Variants in COL5A1 observed in about 807,000 individuals in gnomAD.
The protein encoded by COL5A1 is collagen alpha-1(V) chain.
Under a neutral mutation model 263.7 loss-of-function variants are expected in COL5A1, and 16 were observed. That is an observed-to-expected ratio of 0.06 (90% CI 0.04 to 0.09). The LOEUF is 0.09. COL5A1 is among the 10% of genes least tolerant of loss of function. The pLI, the probability that COL5A1 is intolerant of heterozygous loss-of-function variation, is 1.00. For synonymous variants in COL5A1, 1,012 were observed against 1,004.5 expected, an observed-to-expected ratio of 1.01 and a Z score of -0.14; for missense variants, 2,036 against 2,540.5, an observed-to-expected ratio of 0.80 and a Z score of 4.27.
intron 1 of COL5A1, among the ~76,000 whole-genome samples, chr9:134,645,142 G>A (rs552843458): frequency 6.6e-6 from 1 of 152,278 alleles, no homozygotes; most frequent in East Asian, 1.9e-4. Context: ...AGGCAGGGGC[G>A]TGCTCCCAGT....
At chr9:134,779,969 G>T (rs562206312) in intron 27 of COL5A1, 133 bp from the exon 28 acceptor site, 9 of 949,110 alleles carry the variant, frequency 9.5e-6, no homozygotes, top group Admixed American at 6.8e-5. Context: ...ATGGGAGGAA[G>T]TGTGTTGAGG....
chr9:134,811,576 C>A lies in COL5A1; in HGVS notation c.3667C>A (p.Pro1223Thr). The A allele has an allele frequency of 6.4e-7, 1 of 1,561,560 alleles. No homozygotes were observed. Among genetic ancestry groups the A allele is most frequent in the Non-Finnish European group, 8.7e-7 (1 of 1,152,408 alleles). Residue 1223 changes from proline (P) to threonine (T), a missense_variant, in exon 46 of 66, where the codon CCC becomes ACC. Physicochemically the swap from Pro to Thr is conservative, Grantham distance 38. Transcript: ENST00000371817. ...GDEGPRGFPGPPGPVGLQGLP... is the reference protein window; with the variant it reads ...GDEGPRGFPGTPGPVGLQGLP... The stretch of plus-strand genomic sequence containing the variant: ...TGAAGGTCCCAGAGGCTTTCCTGGA[C>A]CCCCTGGGCCAGTGGGGCTGCAGGT...
At chr9:134,721,782 T>C (rs1456516017) in intron 4 of COL5A1, among the ~76,000 whole-genome samples, 1 of 152,226 alleles carries the variant, frequency 6.6e-6, no homozygotes, top group Non-Finnish European at 1.5e-5. Flanking sequence ...GCATCCGCTC[T>C]GTCTTGGAGC....
chr9:134,820,328 C>T lies in COL5A1; in HGVS notation c.4554+105C>T, dbSNP rs533312238. ...GGCCCATCAGAGCCCGGAAGGACGT[C>T]CACACGTCGGTTGAGTCCGGTCATC... On this transcript the variant is annotated intron_variant, in intron 58 of 65. Transcript: ENST00000371817. The T allele has an allele frequency of 1.4e-3, 1,236 of 883,282 alleles. 7 individuals carry two copies. The highest frequency in any genetic ancestry group is 8.6e-4 in the Non-Finnish European group (471 of 545,322). 54.7% of individuals were successfully genotyped at this position (883,282 alleles called of 1,614,324 possible).
chr9:134,751,199 A>G (rs2132684176), intron 13 of COL5A1, among the ~76,000 whole-genome samples: 1 of 148,926 alleles, frequency 6.7e-6, no homozygotes, highest in East Asian at 2.0e-4. Flanking sequence ...AGAGCGTGTC[A>G]CTGTCCAGTA....
chr9:134,772,885 C>A, intron 26 of COL5A1, 51 bp downstream of exon 26: 1 of 1,576,834 alleles, frequency 6.3e-7, no homozygotes, highest in Non-Finnish European at 8.7e-7. Context: ...TGGGGCGGGT[C>A]CAGGTGCTCT....
rs775768634 is a variant in COL5A1 at position 134,758,207 on chromosome 9, G to C, written c.1882-36G>C. On this transcript the variant is annotated intron_variant, in intron 17 of 65. Transcript: ENST00000371817. The surrounding 1 kb of genome is among the most constrained non-coding windows in gnomAD (Gnocchi z 4.1). ...AAGGCGGGGTGTCCACGTGTGCAGGGTGGCGTCTGAGGCAGCCTTTCTGTC... is the reference window on the plus strand; with the variant it reads ...AAGGCGGGGTGTCCACGTGTGCAGGCTGGCGTCTGAGGCAGCCTTTCTGTC... 7.4e-6 allele frequency: 12 copies of C among 1,613,082 alleles called. No individual in the cohort carries two copies. The East Asian group carries it at 2.5e-4, about 33-fold the overall frequency.
intron 54 of COL5A1, 135 bp downstream of exon 54, chr9:134,817,966 T>C (rs1838828861): frequency 2.3e-6 from 2 of 887,512 alleles, no homozygotes; most frequent in Admixed American, 2.0e-5. Flanking sequence ...ACCTGGCTCA[T>C]GGCCTACCTG....
chr9:134,660,141 G>A (rs1028917740), intron 1 of COL5A1, among the ~76,000 whole-genome samples: 5 of 152,188 alleles, frequency 3.3e-5, no homozygotes, highest in African/African-American at 1.2e-4. Context: ...AAAGAAAAAT[G>A]CAAACTCTGA....
chr9:134,732,247 C>A, intron 9 of COL5A1, 120 bp downstream of exon 9: 1 of 991,818 alleles, frequency 1.0e-6, no homozygotes, highest in African/African-American at 1.6e-5. Flanking sequence ...TGGGTCACTT[C>A]GAGCAACCAC....
rs1830117945 is a variant in COL5A1 at position 134,842,024 on chromosome 9, C to A, written c.5371-133C>A. The A allele has an allele frequency of 4.0e-6, 4 of 987,848 alleles. No individual in the cohort carries two copies. Among genetic ancestry groups the A allele is most frequent in the Non-Finnish European group, 4.7e-6 (3 of 635,570 alleles). 61.2% of individuals were successfully genotyped at this position (987,848 alleles called of 1,614,324 possible). On this transcript the variant is annotated intron_variant, in intron 65 of 65. Coordinates refer to ENST00000371817, the MANE Select transcript of COL5A1 (RefSeq NM_000093.5). This position sits in a 1 kb window ranked among gnomAD's most constrained non-coding sequence, Gnocchi z 5.8. ...ATATTTCCTCCAACACTTGCCCGGG[C>A]AAGCGCAGCCCTGGGTAGGAGACAG...
intron 1 of COL5A1, among the ~76,000 whole-genome samples, chr9:134,654,471 T>C (rs1831845764): frequency 1.2e-5 from 1 of 86,270 alleles, no homozygotes; most frequent in African/African-American, 4.8e-5. Context: ...GGGCTGGAGG[T>C]GTGTAGGGCT....
rs544468896 is a variant in COL5A1, at chr9:134,690,763, G to A, written c.110-149G>A. The A allele has an allele frequency of 3.3e-4, 314 of 937,348 alleles. 2 individuals carry two copies. In the African/African-American group the frequency reaches 4.5e-3, roughly 13 times the overall value. The allele number at this position is 937,348 out of a possible 1,614,324, so 58.1% of individuals were successfully genotyped here. A position where few individuals can be genotyped will look rare whatever the true frequency, so the allele number is the denominator to read the frequency against. The stretch of plus-strand genomic sequence containing the variant: ...CGTGGTGCCCTGCCTCGCCCAGCAC[G>A]CGGCTCTAAGCTGGTCCTGGGGCTC... On this transcript the variant is annotated intron_variant, in intron 1 of 65. Coordinates refer to ENST00000371817, the MANE Select transcript of COL5A1 (RefSeq NM_000093.5).
Position 134,732,122 on chromosome 9 carries a change from G to A in COL5A1, c.1384G>A (p.Glu462Lys), listed in dbSNP as rs761770226. 13 of 1,614,110 alleles carry A rather than the reference G, an allele frequency of 8.1e-6. No individual in the cohort carries two copies. The highest frequency in any genetic ancestry group is 3.3e-5 in the Admixed American group (2 of 60,014). The change falls in exon 9 of 66, where the codon GAG (glutamate) becomes AAG (lysine). Residue 462 changes from glutamate to lysine, a missense_variant. Transcript: ENST00000371817. ...CCAAAAGGGAGAACCAGCGATTATC[G>A]AGCCGGTGAGGACATTTTCTCATTC... The part of the protein sequence containing the change: ...KGQKGEPAII[E>K]PGMLIEGPPG...
chr9:134,668,825 A>G (rs909429325), intron 1 of COL5A1, among the ~76,000 whole-genome samples: 2 of 151,820 alleles, frequency 1.3e-5, no homozygotes, highest in Non-Finnish European at 2.9e-5. Context: ...CCACCCACCT[A>G]TTCATTCAAC....
chr9:134,758,202 G>T lies in COL5A1; in HGVS notation c.1882-41G>T. ...ACACCAAGGCGGGGTGTCCACGTGTGCAGGGTGGCGTCTGAGGCAGCCTTT... is the reference window on the plus strand; with the variant it reads ...ACACCAAGGCGGGGTGTCCACGTGTTCAGGGTGGCGTCTGAGGCAGCCTTT... On this transcript the variant is annotated intron_variant, in intron 17 of 65. Coordinates refer to ENST00000371817, the MANE Select transcript of COL5A1 (RefSeq NM_000093.5). This position sits in a 1 kb window ranked among gnomAD's most constrained non-coding sequence, Gnocchi z 4.1. The T allele has an allele frequency of 6.2e-7, 1 of 1,611,714 alleles. No homozygotes were observed. The highest frequency in any genetic ancestry group is 8.5e-7 in the Non-Finnish European group (1 of 1,178,122).
rs953894141 is a variant in COL5A1 at position 134,822,261 on chromosome 9, T to A, written c.4608+111T>A. 1.7e-5 allele frequency: 16 copies of A among 930,588 alleles called. No homozygotes were observed. In the African/African-American group the frequency reaches 2.4e-4, roughly 14 times the overall value. 57.6% of individuals were successfully genotyped at this position (930,588 alleles called of 1,614,324 possible). On this transcript the variant is annotated intron_variant, in intron 59 of 65. Coordinates refer to ENST00000371817, the MANE Select transcript of COL5A1 (RefSeq NM_000093.5). Reference sequence around the variant, plus strand: ...ATTGTGGAAAAGTCACACGAGAAGCTGGAATTGGGGCCTCCAGGGTGGATT... The same window carrying A: ...ATTGTGGAAAAGTCACACGAGAAGCAGGAATTGGGGCCTCCAGGGTGGATT...
In COL5A1 at chr9:134,686,317, G is replaced by A. The variant is rs1054948488; in HGVS notation, c.110-4595G>A. Among the ~76,000 whole-genome samples, 5 of 151,794 alleles carry A rather than the reference G, an allele frequency of 3.3e-5. No individual in the cohort carries two copies. Among genetic ancestry groups the A allele is most frequent in the African/African-American group, 9.7e-5 (4 of 41,288 alleles). Reference sequence around the variant, plus strand: ...CACCCAAGCTGGAGTGCAGTGACACGATCCTGGCTTACTGCAACCTCCACC... The same window carrying A: ...CACCCAAGCTGGAGTGCAGTGACACAATCCTGGCTTACTGCAACCTCCACC... On this transcript the variant is annotated intron_variant, in intron 1 of 65. Coordinates refer to ENST00000371817, the MANE Select transcript of COL5A1 (RefSeq NM_000093.5). This position sits in a 1 kb window ranked among gnomAD's most constrained non-coding sequence, Gnocchi z 4.6.
At chr9:134,759,959 A>G (rs1836244415) in intron 18 of COL5A1, among the ~76,000 whole-genome samples, 1 of 105,204 alleles carries the variant, frequency 9.5e-6, no homozygotes, top group African/African-American at 3.9e-5. Context: ...ACACCCCCAC[A>G]CTCATGCACA....
Sources: allele counts gnomAD v4.1 joint callset (sites outside exome capture counted in the v4.1 genomes callset), GRCh38; gene constraint gnomAD v4.1.1; non-coding constraint Gnocchi (gnomAD v3.1); transcripts MANE v1.5; gene names NCBI Gene and HGNC (gene_info 2026-07-23, HGNC 2026-07-21).